The following KCNJ3 variants were observed in gnomAD, a reference collection of about 807,000 sequenced individuals.
The protein encoded by KCNJ3 is potassium inwardly rectifying channel subfamily J member 3.
KCNJ3 carries 4 observed loss-of-function variants against 39.2 expected under a neutral mutation model. The ratio of observed to expected loss-of-function variants is 0.10; its 90% CI spans 0.05 to 0.23. The LOEUF (loss-of-function observed/expected upper bound fraction) is 0.23. Ranked by LOEUF, KCNJ3 falls within the 10% of genes least tolerant of loss-of-function variation. KCNJ3 has a pLI of 1.00. For missense variants in KCNJ3, 276 were observed against 634.9 expected (o/e 0.43, Z 6.08); for synonymous variants, 230 against 237.4 (o/e 0.97, Z 0.29).
At chr2:154,722,643 G>T (rs563268851) in intron 2 of KCNJ3, among the ~76,000 whole-genome samples, 1 of 152,194 alleles carries the variant, frequency 6.6e-6, no homozygotes, top group South Asian at 2.1e-4. Context: ...AATGGCAATG[G>T]GGGAGCCATA....
chr2:154,722,957 G>A (rs1685290231), intron 2 of KCNJ3, among the ~76,000 whole-genome samples: 1 of 152,036 alleles, frequency 6.6e-6, no homozygotes, highest in Non-Finnish European at 1.5e-5. Flanking sequence ...ATTTAAGATG[G>A]TAAAACAGTA....
At chr2:154,782,987 C>T (rs925350066) in intron 2 of KCNJ3, among the ~76,000 whole-genome samples, 3 of 151,930 alleles carry the variant, frequency 2.0e-5, no homozygotes, top group African/African-American at 7.3e-5. Flanking sequence ...GACCAGCCTG[C>T]CCAACATGGG....
At chr2:154,799,069 C>T (rs1351261692) in intron 2 of KCNJ3, among the ~76,000 whole-genome samples, 2 of 151,914 alleles carry the variant, frequency 1.3e-5, no homozygotes, top group East Asian at 1.9e-4. Flanking sequence ...GTGAGAATTA[C>T]GTATGTAATT....
At chr2:154,852,607 T>A (rs1315742456) in intron 2 of KCNJ3, among the ~76,000 whole-genome samples, 1 of 152,172 alleles carries the variant, frequency 6.6e-6, no homozygotes, top group East Asian at 1.9e-4. Context: ...AGATATTTAT[T>A]CTTTATTCTA....
rs994261806 is a variant in KCNJ3, at chr2:154,858,258, A to G, written c.*2945A>G. ...GGTAGCACTCCCTTTCACTCTTACAATGTCTTGGTTTGGATGATATATGGT... is the reference window on the plus strand; with the variant it reads ...GGTAGCACTCCCTTTCACTCTTACAGTGTCTTGGTTTGGATGATATATGGT... On this transcript the variant is annotated 3_prime_UTR_variant, in exon 3 of 3. Coordinates refer to ENST00000295101, the MANE Select transcript of KCNJ3 (RefSeq NM_002239.4). 9.2e-5 allele frequency: 14 copies of G among 152,100 alleles called. No homozygotes were observed. The highest frequency in any genetic ancestry group is 3.1e-4 in the African/African-American group (13 of 41,416). 9.4% of individuals were successfully genotyped at this position (152,100 alleles called of 1,614,324 possible).
chr2:154,713,119 T>C (rs1359509923), intron 2 of KCNJ3, among the ~76,000 whole-genome samples: 1 of 151,788 alleles, frequency 6.6e-6, no homozygotes, highest in Non-Finnish European at 1.5e-5. Context: ...ATTGCAGCAA[T>C]AGGAAGTGTT....
intron 2 of KCNJ3, among the ~76,000 whole-genome samples, chr2:154,783,587 T>G (rs1686476832): frequency 6.6e-6 from 1 of 152,194 alleles, no homozygotes; most frequent in African/African-American, 2.4e-5. Flanking sequence ...AAATATTAAC[T>G]TATTAAATTT....
At chr2:154,700,895 TG>T (rs1195660611) in intron 1 of KCNJ3, among the ~76,000 whole-genome samples, 1 of 152,222 alleles carries the variant, frequency 6.6e-6, no homozygotes, top group East Asian at 1.9e-4. Flanking sequence ...AACTACATTT[TG>T]TACACCACAG....
intron 2 of KCNJ3, among the ~76,000 whole-genome samples, chr2:154,733,752 T>C (rs1486127919): frequency 6.6e-6 from 1 of 152,172 alleles, no homozygotes; most frequent in Non-Finnish European, 1.5e-5. Context: ...TAGCCTTGAT[T>C]TGTGGAAGAA....
rs371506842 is a variant in KCNJ3, at chr2:154,842,389, T to A, written c.920-12338T>A. ...GTGGTCAATTTTAGAATAAATGCGA[T>A]GTGGTACTGAGAAGAATGTATATTC... On this transcript the variant is annotated intron_variant, in intron 2 of 2. Transcript: ENST00000295101. Among the ~76,000 whole-genome samples, 24 of 152,354 alleles carry A rather than the reference T, an allele frequency of 1.6e-4. No homozygotes were observed. The East Asian group carries it at 2.3e-3, about 15-fold the overall frequency.
At chr2:154,703,590 A>C (rs1684948897) in intron 1 of KCNJ3, among the ~76,000 whole-genome samples, 1 of 151,942 alleles carries the variant, frequency 6.6e-6, no homozygotes, top group African/African-American at 2.4e-5. Flanking sequence ...GTGCAGATGC[A>C]ATAAAAAAAT....
chr2:154,724,211 A>T (rs888752716), intron 2 of KCNJ3, among the ~76,000 whole-genome samples: 2 of 152,164 alleles, frequency 1.3e-5, no homozygotes, highest in Non-Finnish European at 2.9e-5. Flanking sequence ...ATTTCCCATT[A>T]ATAAAATACC....
chr2:154,703,002 G>T (rs995945003), intron 1 of KCNJ3, among the ~76,000 whole-genome samples: 28 of 151,958 alleles, frequency 1.8e-4, no homozygotes, highest in Non-Finnish European at 3.2e-4. Flanking sequence ...ACCAGTAGTT[G>T]TAATGTTGAA....
At chr2:154,726,704 G>C (rs1425751815) in intron 2 of KCNJ3, among the ~76,000 whole-genome samples, 1 of 149,576 alleles carries the variant, frequency 6.7e-6, no homozygotes, top group Non-Finnish European at 1.5e-5. Flanking sequence ...ACAAAAATAT[G>C]GAACTAGCCC....
At chr2:154,746,008 C>T (rs891952090) in intron 2 of KCNJ3, among the ~76,000 whole-genome samples, 4 of 151,752 alleles carry the variant, frequency 2.6e-5, no homozygotes, top group Admixed American at 6.6e-5. Context: ...CCCCAGGTAG[C>T]GACCCCTGAG....
chr2:154,823,611 CT>C (rs1046871006), intron 2 of KCNJ3, among the ~76,000 whole-genome samples: 4 of 152,112 alleles, frequency 2.6e-5, no homozygotes, highest in African/African-American at 9.7e-5. Context: ...ATATCAATTC[CT>C]TGTTTTTTAT....
chr2:154,726,792 T>TACACACAC lies in KCNJ3; in HGVS notation c.919+16976_919+16977insCACACACA, dbSNP rs1421883511. On this transcript the variant is annotated intron_variant, in intron 2 of 2. Coordinates refer to ENST00000295101, the MANE Select transcript of KCNJ3 (RefSeq NM_002239.4). Reference sequence around the variant, plus strand: ...CACACACACACACATACATTTTATATACATACACACACACACACACACACA... The same window carrying TACACACAC: ...CACACACACACACATACATTTTATATACACACACACATACACACACACACACACACACA... Among the ~76,000 whole-genome samples, 868 of 101,316 alleles carry TACACACAC rather than the reference T, an allele frequency of 8.6e-3. 7 individuals carry two copies. The highest frequency in any genetic ancestry group is 0.034 in the African/African-American group (819 of 24,080). The allele number at this position is 101,316 out of a possible 152,430, so 66.5% of individuals were successfully genotyped here.
At chr2:154,701,266 C>T (rs1684891886) in intron 1 of KCNJ3, among the ~76,000 whole-genome samples, 1 of 152,050 alleles carries the variant, frequency 6.6e-6, no homozygotes, top group African/African-American at 2.4e-5. Flanking sequence ...TTGAGACTTA[C>T]TGAAGAGTAG....
At chr2:154,750,624 A>T (rs576741940) in intron 2 of KCNJ3, among the ~76,000 whole-genome samples, 1 of 152,076 alleles carries the variant, frequency 6.6e-6, no homozygotes, top group African/African-American at 2.4e-5. Context: ...ACCTTACAGT[A>T]TTGATTTATT....
Sources: allele counts gnomAD v4.1 joint callset (sites outside exome capture counted in the v4.1 genomes callset), GRCh38; gene constraint gnomAD v4.1.1; transcripts MANE v1.5; gene names NCBI Gene and HGNC (gene_info 2026-07-23, HGNC 2026-07-21).